The following TBCD variants were observed in gnomAD, a reference collection of about 807,000 sequenced individuals.
TBCD encodes the protein tubulin-specific chaperone D.
In TBCD, 105 loss-of-function variants were observed where a neutral mutation model predicts 169.3. The ratio of observed to expected loss-of-function variants is 0.62; its 90% confidence interval spans 0.53 to 0.73. The LOEUF is 0.73. Ranked by LOEUF, TBCD falls within the 30% of genes least tolerant of loss-of-function variation. The pLI, the probability that TBCD is intolerant of heterozygous loss-of-function variation, is 0.00. For missense variants in TBCD, 1,444 were observed against 1,600.1 expected, an observed-to-expected ratio of 0.90 and a Z score of 1.66; for synonymous variants, 700 against 643.9, an observed-to-expected ratio of 1.09 and a Z score of -1.32.
chr17:82,881,394 C>A (rs960185986), intron 14 of TBCD, among the ~76,000 whole-genome samples: 1 of 152,272 alleles, frequency 6.6e-6, no homozygotes, highest in Non-Finnish European at 1.5e-5. Flanking sequence ...GGGTGCAGAG[C>A]TTCTGCAGCA....
At chr17:82,876,919 T>C (rs1465228885) in intron 14 of TBCD, 2 of 983,550 alleles carry the variant, frequency 2.0e-6, no homozygotes, top group Admixed American at 1.2e-4. Context: ...TCAGCCGGTC[T>C]GACTGCCTGA....
Position 82,929,241 on chromosome 17 carries a change from A to T in TBCD, c.2822A>T (p.His941Leu). Reference protein sequence around the residue: ...FDSPPIPHVPHRGELEKLFPR... With the variant: ...FDSPPIPHVPLRGELEKLFPR... ...AGCCCTCCCATCCCCCACGTGCCCC[A>T]CCGAGGAGAACTGGAAAAGCTGTTT... The change falls in exon 31 of 39, where the codon CAC (histidine) becomes CTC (leucine). Residue 941 changes from histidine (H) to leucine (L), a missense_variant. By Grantham distance (99) the His-to-Leu change is moderately conservative. Transcript: ENST00000355528. 1 of 1,613,140 alleles carries T rather than the reference A, an allele frequency of 6.2e-7. No individual in the cohort carries two copies. The highest frequency in any genetic ancestry group is 8.5e-7 in the Non-Finnish European group (1 of 1,179,702).
Position 82,939,039 on chromosome 17 carries a change from G to A in TBCD, c.3370-328G>A. 8.4e-6 allele frequency: 3 copies of A among 357,444 alleles called. No homozygotes were observed. In the South Asian group the frequency reaches 9.0e-5, roughly 11 times the overall value. The allele number at this position is 357,444 out of a possible 1,614,324, so 22.1% of individuals were successfully genotyped here. On this transcript the variant is annotated intron_variant, in intron 36 of 38. Coordinates refer to ENST00000355528, the MANE Select transcript of TBCD (RefSeq NM_005993.5). ...CAGGCGAGATTGCTTCTCTGGTGAG[G>A]GAGCAGGTTAGTTAATAGAGAGCAG...
intron 34 of TBCD, among the ~76,000 whole-genome samples, chr17:82,934,096 A>G (rs1473409644): frequency 6.6e-6 from 1 of 152,216 alleles, no homozygotes; most frequent in African/African-American, 2.4e-5. Context: ...GTACTCAGGT[A>G]CTGGCTGACC....
Position 82,864,781 on chromosome 17 carries a change from C to G in TBCD, c.1319-5443C>G, listed in dbSNP as rs1467650589. On this transcript the variant is annotated intron_variant, in intron 13 of 38. Transcript: ENST00000355528. The surrounding 1 kb of genome is among the most constrained non-coding windows in gnomAD (Gnocchi z 6.3). ...AGGTGATGCATATCCGGGCGCCCAC[C>G]CTAGCAGCACAGGAAGGGCTGGGAT... Among the ~76,000 whole-genome samples the G allele has an allele frequency of 6.7e-6, 1 of 150,012 alleles. No homozygotes were observed. The highest frequency in any genetic ancestry group is 1.5e-5 in the Non-Finnish European group (1 of 67,358).
intron 13 of TBCD, among the ~76,000 whole-genome samples, chr17:82,844,750 CCTGT>C (rs1163502867): frequency 1.3e-5 from 2 of 152,022 alleles, no homozygotes; most frequent in Non-Finnish European, 2.9e-5. Flanking sequence ...TGTTCAACCC[CCTGT>C]GTTACTCAGA....
chr17:82,761,534 C>G (rs2143903810), intron 2 of TBCD, among the ~76,000 whole-genome samples: 2 of 152,220 alleles, frequency 1.3e-5, no homozygotes, highest in East Asian at 3.9e-4. Context: ...TCCCCTCACC[C>G]CAGCCCTAGG....
rs2061321931 is a variant in TBCD at position 82,920,044 on chromosome 17, G to A, written c.2039-512G>A. On this transcript the variant is annotated intron_variant, in intron 23 of 38. Coordinates refer to ENST00000355528, the MANE Select transcript of TBCD (RefSeq NM_005993.5). The surrounding 1 kb of genome is among the most constrained non-coding windows in gnomAD (Gnocchi z 4.1). ...CTGCTGATGCTGTCCAGTCGTCTCT[G>A]TCTCGTGCGTCCTGGCCCCCTCGTG... Among the ~76,000 whole-genome samples the A allele has an allele frequency of 1.3e-5, 2 of 152,230 alleles. No homozygotes were observed. The highest frequency in any genetic ancestry group is 2.9e-5 in the Non-Finnish European group (2 of 68,044).
intron 2 of TBCD, among the ~76,000 whole-genome samples, chr17:82,757,428 A>G (rs2047461738): frequency 1.3e-5 from 2 of 151,764 alleles, no homozygotes; most frequent in South Asian, 4.2e-4. Context: ...CGAGACCAGC[A>G]TGGCTAACAC....
At chr17:82,905,135 G>A (rs1210390764) in intron 19 of TBCD, among the ~76,000 whole-genome samples, 1 of 152,210 alleles carries the variant, frequency 6.6e-6, no homozygotes, top group Non-Finnish European at 1.5e-5. Context: ...CAAACTCAGA[G>A]TAGAGGCACC....
At position 82,789,421 on chromosome 17, in the gene TBCD, G is replaced by A. The variant is rs1401471925; in HGVS notation, c.771+7700G>A. Among the ~76,000 whole-genome samples, 2 of 152,230 alleles carry A rather than the reference G, an allele frequency of 1.3e-5. No homozygotes were observed. The highest frequency in any genetic ancestry group is 2.9e-5 in the Non-Finnish European group (2 of 68,042). On this transcript the variant is annotated intron_variant, in intron 7 of 38. Coordinates refer to ENST00000355528, the MANE Select transcript of TBCD (RefSeq NM_005993.5). The surrounding 1 kb of genome is among the most constrained non-coding windows in gnomAD (Gnocchi z 4.8). Reference sequence around the variant, plus strand: ...CCCGTCGCGGGGTCATGTGCTAGACGGGGAGGGGGCTTGGCGGGTCACCAG... The same window carrying A: ...CCCGTCGCGGGGTCATGTGCTAGACAGGGAGGGGGCTTGGCGGGTCACCAG...
rs150078562 is a variant in TBCD at position 82,922,001 on chromosome 17, A to AGT, written c.2178+437_2178+438dup. Among the ~76,000 whole-genome samples the AGT allele has an allele frequency of 1.1e-3, 163 of 152,012 alleles. No individual in the cohort carries two copies. Among genetic ancestry groups the AGT allele is most frequent in the African/African-American group, 3.0e-3 (124 of 41,506 alleles). ...GACCTGGTCATGTTGTGTGGGTGCC[A>AGT]GTGTGTGTGTGTGTCCCCGGCCACC... On this transcript the variant is annotated intron_variant, in intron 25 of 38. Transcript: ENST00000355528. This position sits in a 1 kb window ranked among gnomAD's most constrained non-coding sequence, Gnocchi z 4.1.
At chr17:82,780,418 C>T (rs1027583255) in intron 6 of TBCD, among the ~76,000 whole-genome samples, 1 of 152,010 alleles carries the variant, frequency 6.6e-6, no homozygotes, top group African/African-American at 2.4e-5. Context: ...ATCATGGAGG[C>T]AAGCTGGGGG....
chr17:82,847,258 C>G (rs971614390), intron 13 of TBCD, among the ~76,000 whole-genome samples: 5 of 148,114 alleles, frequency 3.4e-5, no homozygotes, highest in African/African-American at 5.0e-5. Flanking sequence ...GAGGCTGAGG[C>G]AGGAGAATGG....
intron 2 of TBCD, among the ~76,000 whole-genome samples, chr17:82,756,610 G>C (rs1247530058): frequency 6.6e-6 from 1 of 152,088 alleles, no homozygotes; most frequent in Non-Finnish European, 1.5e-5. Flanking sequence ...CTCCCGAGTA[G>C]CTGGGATTAC....
chr17:82,767,814 G>T lies in TBCD; in HGVS notation c.436-606G>T, dbSNP rs560730815. Among the ~76,000 whole-genome samples the T allele has an allele frequency of 2.0e-4, 30 of 152,216 alleles. 1 individual carries two copies. The East Asian group carries it at 5.2e-3, about 27-fold the overall frequency. ...TACAAAAAATACAAAAATTAGCCTA[G>T]CATGGTGGCAAACGCCTGTAGTCCC... On this transcript the variant is annotated intron_variant, in intron 4 of 38. Transcript: ENST00000355528.
At chr17:82,856,111 T>G (rs2056261130) in intron 13 of TBCD, among the ~76,000 whole-genome samples, 1 of 149,626 alleles carries the variant, frequency 6.7e-6, no homozygotes, top group Non-Finnish European at 1.5e-5. Flanking sequence ...GTATTGTGAT[T>G]ACAGGCATGA....
rs1271510913 is a variant in TBCD at position 82,864,002 on chromosome 17, A to G, written c.1319-6222A>G. Among the ~76,000 whole-genome samples, 2 of 152,174 alleles carry G rather than the reference A, an allele frequency of 1.3e-5. No homozygotes were observed. The highest frequency in any genetic ancestry group is 2.9e-5 in the Non-Finnish European group (2 of 68,026). On this transcript the variant is annotated intron_variant, in intron 13 of 38. Coordinates refer to ENST00000355528, the MANE Select transcript of TBCD (RefSeq NM_005993.5). This position sits in a 1 kb window ranked among gnomAD's most constrained non-coding sequence, Gnocchi z 6.3. The stretch of plus-strand genomic sequence containing the variant: ...TACCACCCTCAGGACTAAATGCAAA[A>G]TCATCTTCACTGGGTGCAGCATTTA...
intron 14 of TBCD, among the ~76,000 whole-genome samples, chr17:82,873,287 G>GT (rs1170853928): frequency 1.3e-5 from 2 of 152,186 alleles, no homozygotes; most frequent in African/African-American, 4.8e-5. Flanking sequence ...CTGGTCCAGT[G>GT]TCACAGGAGG....
Sources: allele counts gnomAD v4.1 joint callset (sites outside exome capture counted in the v4.1 genomes callset), GRCh38; gene constraint gnomAD v4.1.1; non-coding constraint Gnocchi (gnomAD v3.1); transcripts MANE v1.5; gene names NCBI Gene and HGNC (gene_info 2026-07-23, HGNC 2026-07-21).